Variants in EEA1 observed in about 807,000 individuals in gnomAD.
EEA1 encodes the protein early endosome antigen 1, 162kD.
In EEA1, 111 loss-of-function variants were observed where a neutral mutation model predicts 209.2. The observed-to-expected ratio is 0.53, with a 90% CI of 0.45 to 0.62. The LOEUF (loss-of-function observed/expected upper bound fraction) is 0.62. Among genes scored for constraint, EEA1 ranks in the 20% least tolerant of loss-of-function variants. The pLI is 0.00. For missense variants in EEA1, 1,343 were observed against 1,530.8 expected (o/e 0.88, Z 2.05); for synonymous variants, 536 against 540.6 (o/e 0.99, Z 0.12).
intron 18 of EEA1, among the ~76,000 whole-genome samples, chr12:92,804,292 G>A (rs1875076435): frequency 1.3e-5 from 2 of 152,070 alleles, no homozygotes; most frequent in African/African-American, 4.8e-5. Flanking sequence ...AGAAATTAGG[G>A]CCAGGCACGG....
At chr12:92,816,148 C>T in intron 15 of EEA1, 52 bp downstream of exon 15, 2 of 1,500,298 alleles carry the variant, frequency 1.3e-6, no homozygotes, top group East Asian at 2.3e-5. Flanking sequence ...GAATTTAAAA[C>T]ATTTGACGGT....
At position 92,821,804 on chromosome 12, in the gene EEA1, TTTATA is replaced by T; in HGVS notation, c.1525-2298_1525-2294del. Among the ~76,000 whole-genome samples the T allele has an allele frequency of 2.7e-5, 4 of 150,622 alleles. 1 individual carries two copies. In the Admixed American group the frequency reaches 2.7e-4, roughly 10 times the overall value. ...TCAATCTTTATTTTCCAAAAATAAT[TTTATA>T]TAAAATTATATATGTATATATAATT... On this transcript the variant is annotated intron_variant, in intron 13 of 28. Coordinates refer to ENST00000322349, the MANE Select transcript of EEA1 (RefSeq NM_003566.4).
chr12:92,853,442 G>A (rs1038986063), intron 6 of EEA1, among the ~76,000 whole-genome samples: 1 of 151,990 alleles, frequency 6.6e-6, no homozygotes, highest in African/African-American at 2.4e-5. Context: ...GTATCCCAAA[G>A]TGTTGGGATT....
intron 2 of EEA1, among the ~76,000 whole-genome samples, chr12:92,880,571 T>C (rs907564419): frequency 1.3e-5 from 2 of 152,098 alleles, no homozygotes; most frequent in African/African-American, 4.8e-5. Flanking sequence ...ACCTCCCAAG[T>C]TCTCACCACT....
rs779164468 is a variant in EEA1, at chr12:92,770,874, G to A, written c.*5137C>T. 7 of 152,032 alleles carry A rather than the reference G, an allele frequency of 4.6e-5. No homozygotes were observed. The highest frequency in any genetic ancestry group is 8.8e-5 in the Non-Finnish European group (6 of 67,940). The allele number at this position is 152,032 out of a possible 1,614,324, so 9.4% of individuals were successfully genotyped here. On this transcript the variant is annotated 3_prime_UTR_variant, in exon 29 of 29. Coordinates refer to ENST00000322349, the MANE Select transcript of EEA1 (RefSeq NM_003566.4). ...CTTTCACCAGTTAACACTTTTGCAT[G>A]GCTTTTCTTGGCCTGTTGTGAAGTG...
In EEA1 at chr12:92,826,200, T is replaced by C. The variant is rs1473598157; in HGVS notation, c.1490A>G (p.Gln497Arg). The change falls in exon 13 of 29, where the codon CAG (glutamine) becomes CGG (arginine). Residue 497 changes from glutamine (Q) to arginine (R), a missense_variant. This residue lies in a region of EEA1 where 1,307 missense variants were observed against 1,465.5 expected (regional missense o/e 0.89). Coordinates refer to ENST00000322349, the MANE Select transcript of EEA1 (RefSeq NM_003566.4). Reference protein sequence around the residue: ...KQQHQEQQALQQSTTAKLREA... With the variant: ...KQQHQEQQALRQSTTAKLREA... Reference sequence around the variant, plus strand: ...TCGAAGTTTTGCCGTGGTGCTTTGCTGAAGAGCCTGTTGTTCTTGATGCTG... The same window carrying C: ...TCGAAGTTTTGCCGTGGTGCTTTGCCGAAGAGCCTGTTGTTCTTGATGCTG... 2.5e-6 allele frequency: 4 copies of C among 1,613,800 alleles called. No homozygotes were observed. The highest frequency in any genetic ancestry group is 3.4e-6 in the Non-Finnish European group (4 of 1,179,776).
intron 8 of EEA1, among the ~76,000 whole-genome samples, chr12:92,851,637 A>T (rs1877634981): frequency 6.6e-6 from 1 of 151,358 alleles, no homozygotes; most frequent in African/African-American, 2.5e-5. Flanking sequence ...ATGAAAGCAT[A>T]GAGTTTGCTC....
At chr12:92,888,401 C>T (rs1256459829) in intron 2 of EEA1, among the ~76,000 whole-genome samples, 1 of 151,998 alleles carries the variant, frequency 6.6e-6, no homozygotes, top group Non-Finnish European at 1.5e-5. Context: ...TAACATGAAA[C>T]CCCATCTCTA....
In EEA1 at chr12:92,869,752, C is replaced by CAAAAAAAAAA. The variant is rs71069185; in HGVS notation, c.118-4775_118-4766dup. Among the ~76,000 whole-genome samples, 17 of 26,794 alleles carry CAAAAAAAAAA rather than the reference C, an allele frequency of 6.3e-4. 3 individuals carry two copies. The highest frequency in any genetic ancestry group is 9.2e-4 in the African/African-American group (8 of 8,688). The allele number at this position is 26,794 out of a possible 152,430, so 17.6% of individuals were successfully genotyped here. A position where few individuals can be genotyped will look rare whatever the true frequency, so the allele number is the denominator to read the frequency against. On this transcript the variant is annotated intron_variant, in intron 2 of 28. Coordinates refer to ENST00000322349, the MANE Select transcript of EEA1 (RefSeq NM_003566.4). ...TGGGTGACACAGTGAGATTCTGCCTCAAAAAAAAAAAAAAAAAAAAAAAAA... is the reference window on the plus strand; with the variant it reads ...TGGGTGACACAGTGAGATTCTGCCTCAAAAAAAAAAAAAAAAAAAAAAAAAAAAAAAAAAA...
At chr12:92,903,253 CAATT>C (rs1267457177) in intron 1 of EEA1, among the ~76,000 whole-genome samples, 3 of 151,104 alleles carry the variant, frequency 2.0e-5, no homozygotes, top group Non-Finnish European at 4.4e-5. Context: ...ACAGTCTTGA[CAATT>C]AATGGGATAA....
rs1464845674 is a variant in EEA1 at position 92,819,355 on chromosome 12, C to T, written c.1681G>A (p.Ala561Thr). Residue 561 changes from alanine to threonine, a missense_variant, in exon 14 of 29, where the codon GCT (alanine) becomes ACT (threonine). Coordinates refer to ENST00000322349, the MANE Select transcript of EEA1 (RefSeq NM_003566.4). ...TTTTCTTGTAACTGGTTAAGAACAG[C>T]AGTCTCTCCTTCACCAGCCTGAATT... ...AKIQAGEGETAVLNQLQEKNH... is the reference protein window; with the variant it reads ...AKIQAGEGETTVLNQLQEKNH... 2 of 1,612,766 alleles carry T rather than the reference C, an allele frequency of 1.2e-6. No homozygotes were observed. The highest frequency in any genetic ancestry group is 1.7e-5 in the Admixed American group (1 of 59,950).
At chr12:92,798,478 C>T (rs910492205) in intron 21 of EEA1, among the ~76,000 whole-genome samples, 1 of 151,956 alleles carries the variant, frequency 6.6e-6, no homozygotes, top group East Asian at 1.9e-4. Context: ...TGCACCACCA[C>T]GCCCAGCTAA....
At chr12:92,887,583 G>A (rs1446526840) in intron 2 of EEA1, among the ~76,000 whole-genome samples, 1 of 152,088 alleles carries the variant, frequency 6.6e-6, no homozygotes, top group Non-Finnish European at 1.5e-5. Flanking sequence ...CTTGAGCCCA[G>A]GAGTTTGAGG....
chr12:92,821,206 C>T (rs1043100760), intron 13 of EEA1: 3 of 152,130 alleles, frequency 2.0e-5, no homozygotes, highest in Non-Finnish European at 4.4e-5. Flanking sequence ...TTCCACATTT[C>T]ACCCCCTCAT....
chr12:92,899,145 A>T (rs200091392), intron 1 of EEA1, among the ~76,000 whole-genome samples: 1 of 124,672 alleles, frequency 8.0e-6, no homozygotes, highest in East Asian at 2.5e-4. Context: ...AAAAAAAAAA[A>T]TGAGAGGAGC....
At chr12:92,875,047 T>C (rs1268865691) in intron 2 of EEA1, among the ~76,000 whole-genome samples, 1 of 152,212 alleles carries the variant, frequency 6.6e-6, no homozygotes, top group Non-Finnish European at 1.5e-5. Context: ...CATGGGCATG[T>C]GATTACTATG....
intron 8 of EEA1, among the ~76,000 whole-genome samples, chr12:92,851,636 T>C (rs1351036206): frequency 4.0e-5 from 6 of 151,316 alleles, no homozygotes; most frequent in African/African-American, 1.5e-4. Flanking sequence ...AATGAAAGCA[T>C]AGAGTTTGCT....
chr12:92,864,313 A>G (rs984116488), intron 3 of EEA1, among the ~76,000 whole-genome samples: 5 of 152,156 alleles, frequency 3.3e-5, no homozygotes, highest in Admixed American at 2.0e-4. Flanking sequence ...AAAAGACAAG[A>G]GTTCTCTCCA....
chr12:92,928,278 C>G (rs1881285864), intron 1 of EEA1, among the ~76,000 whole-genome samples: 2 of 152,160 alleles, frequency 1.3e-5, no homozygotes, highest in Non-Finnish European at 2.9e-5. Context: ...TTTTCTAATG[C>G]TCTAATCTTT....
Sources: allele counts gnomAD v4.1 joint callset (sites outside exome capture counted in the v4.1 genomes callset), GRCh38; gene constraint gnomAD v4.1.1; regional missense constraint gnomAD v4.1.1; transcripts MANE v1.5; gene names NCBI Gene and HGNC (gene_info 2026-07-23, HGNC 2026-07-21).